The following NFE2L2 variants were observed in gnomAD, a reference collection of about 807,000 sequenced individuals.
The protein encoded by NFE2L2 is nuclear factor erythroid 2-related factor 2.
A neutral mutation model predicts 49.6 loss-of-function variants in NFE2L2; 20 were observed. The observed-to-expected ratio is 0.40, with a 90% confidence interval of 0.28 to 0.59. The LOEUF (loss-of-function observed/expected upper bound fraction) is 0.59. Ranked by LOEUF, NFE2L2 falls within the 20% of genes least tolerant of loss-of-function variation. The pLI, the probability that NFE2L2 is intolerant of heterozygous loss-of-function variation, is 0.40. For synonymous variants in NFE2L2, 244 were observed against 256.5 expected (o/e 0.95, Z 0.47); for missense variants, 578 against 714.2 (o/e 0.81, Z 2.17).
Position 177,230,864 on chromosome 2 carries a change from T to G in NFE2L2, c.1739A>C (p.Glu580Ala). 1 of 1,613,100 alleles carries G rather than the reference T, an allele frequency of 6.2e-7. No individual in the cohort carries two copies. The highest frequency in any genetic ancestry group is 2.2e-5 in the East Asian group (1 of 44,864). Reference protein sequence around the residue: ...DEDGKPYSPSEYSLQQTRDGN... With the variant: ...DEDGKPYSPSAYSLQQTRDGN... ...ATCTCTTGTTTGCTGCAGGGAGTAT[T>G]CACTAGGAGAATAAGGTTTTCCATC... Residue 580 changes from glutamate (E) to alanine (A), a missense_variant, in exon 5 of 5, where the codon GAA becomes GCA. Transcript: ENST00000397062.
chr2:177,251,070 G>C (rs1690321141), intron 1 of NFE2L2, among the ~76,000 whole-genome samples: 1 of 152,152 alleles, frequency 6.6e-6, no homozygotes, highest in Admixed American at 6.5e-5. Flanking sequence ...GTAAATAAAA[G>C]AATAGAAGAT....
Position 177,231,131 on chromosome 2 carries a change from T to C in NFE2L2, c.1472A>G (p.Asn491Ser), listed in dbSNP as rs373844938. The C allele has an allele frequency of 1.5e-5, 24 of 1,614,098 alleles. No homozygotes were observed. In the African/African-American group the frequency reaches 1.6e-4, roughly 11 times the overall value. ...FNEMMSKEQF[N>S]EAQLALIRDI... ...CCGAATTAATGCAAGTTGAGCTTCA[T>C]TGAACTGCTCTTTGGACATCATTTC... is the stretch of plus-strand genomic sequence containing the variant. The change falls in exon 5 of 5, where the codon AAT (asparagine) becomes AGT (serine). Residue 491 changes from asparagine (N) to serine (S), a missense_variant. This residue lies in a region of NFE2L2 where 117 missense variants were observed against 175.8 expected (regional missense o/e 0.67). Coordinates refer to ENST00000397062, the MANE Select transcript of NFE2L2 (RefSeq NM_006164.5).
At position 177,248,320 on chromosome 2, in the gene NFE2L2, A is replaced by G. The variant is rs190302019; in HGVS notation, c.46-14049T>C. Among the ~76,000 whole-genome samples the G allele has an allele frequency of 4.2e-3, 636 of 152,368 alleles. 12 individuals carry two copies. The highest frequency in any genetic ancestry group is 1.7e-3 in the Non-Finnish European group (114 of 68,044). ...GGAATTACTTTGGAAACTGACCCTT[A>G]GAGAACTGTTGTGTGCTATTCAAGT... On this transcript the variant is annotated intron_variant, in intron 1 of 4. Transcript: ENST00000397062.
intron 1 of NFE2L2, among the ~76,000 whole-genome samples, chr2:177,258,740 C>G (rs1690620947): frequency 6.6e-6 from 1 of 152,048 alleles, no homozygotes; most frequent in Non-Finnish European, 1.5e-5. Context: ...CTAAGTAATA[C>G]AGAAGGTAAA....
intron 1 of NFE2L2, among the ~76,000 whole-genome samples, chr2:177,257,626 G>A (rs913587980): frequency 3.3e-5 from 5 of 152,216 alleles, no homozygotes; most frequent in Non-Finnish European, 4.4e-5. Context: ...AAGCACTGAG[G>A]TGGGTCCCCT....
chr2:177,238,568 T>A (rs1319550864), intron 1 of NFE2L2, among the ~76,000 whole-genome samples: 2 of 152,172 alleles, frequency 1.3e-5, no homozygotes, highest in South Asian at 2.1e-4. Flanking sequence ...AATATGCAAA[T>A]GTTTACATGT....
At chr2:177,248,468 G>A (rs1319156126) in intron 1 of NFE2L2, among the ~76,000 whole-genome samples, 1 of 151,972 alleles carries the variant, frequency 6.6e-6, no homozygotes, top group African/African-American at 2.4e-5. Context: ...GGAGTGCAAT[G>A]GCGTGATCTC....
intron 1 of NFE2L2, among the ~76,000 whole-genome samples, chr2:177,252,832 A>G (rs1220239349): frequency 6.6e-6 from 1 of 152,028 alleles, no homozygotes; most frequent in East Asian, 1.9e-4. Flanking sequence ...AGCCGTCACA[A>G]CAATGCTCAG....
rs1389846761 is a variant in NFE2L2, at chr2:177,230,385, T to TA, written c.*399dup. 3.4e-5 allele frequency: 8 copies of TA among 233,870 alleles called. No individual in the cohort carries two copies. The East Asian group carries it at 4.3e-4, about 13-fold the overall frequency. 14.5% of individuals were successfully genotyped at this position (233,870 alleles called of 1,614,324 possible). Reference sequence around the variant, plus strand: ...TTTGCCAGAGCTAAACAATTTAATATAAAAAATGCCATTTTTTGTCCATAC... The same window carrying TA: ...TTTGCCAGAGCTAAACAATTTAATATAAAAAAATGCCATTTTTTGTCCATAC... On this transcript the variant is annotated 3_prime_UTR_variant, in exon 5 of 5. Coordinates refer to ENST00000397062, the MANE Select transcript of NFE2L2 (RefSeq NM_006164.5).
At chr2:177,251,636 C>T (rs1335713381) in intron 1 of NFE2L2, among the ~76,000 whole-genome samples, 2 of 152,056 alleles carry the variant, frequency 1.3e-5, no homozygotes, top group Non-Finnish European at 2.9e-5. Flanking sequence ...GGACCTCACA[C>T]AAGGACAAGA....
At chr2:177,233,437 TC>T in intron 2 of NFE2L2, 98 bp from the exon 3 acceptor site, 1 of 901,118 alleles carries the variant, frequency 1.1e-6, no homozygotes, top group Non-Finnish European at 1.7e-6. Context: ...ATATTTATAA[TC>T]AAGTTAAGTA....
chr2:177,252,249 C>T (rs145124788), intron 1 of NFE2L2, among the ~76,000 whole-genome samples: 2 of 152,192 alleles, frequency 1.3e-5, no homozygotes, highest in East Asian at 3.9e-4. Flanking sequence ...AAGAATACTC[C>T]TCACCTCACA....
chr2:177,230,667 T>C lies in NFE2L2; in HGVS notation c.*118A>G. ...GTTTCGTATTATTTTCTATACTAGT[T>C]TTGGCTATGATTTTGCATAGAATTA... On this transcript the variant is annotated 3_prime_UTR_variant, in exon 5 of 5. Transcript: ENST00000397062. 1 of 1,170,396 alleles carries C rather than the reference T, an allele frequency of 8.5e-7. No homozygotes were observed. Among genetic ancestry groups the C allele is most frequent in the Non-Finnish European group, 1.2e-6 (1 of 862,280 alleles). 72.5% of individuals were successfully genotyped at this position (1,170,396 alleles called of 1,614,324 possible). A position where few individuals can be genotyped will look rare whatever the true frequency, so the allele number is the denominator to read the frequency against.
At chr2:177,257,850 T>A (rs1309291057) in intron 1 of NFE2L2, among the ~76,000 whole-genome samples, 2 of 152,216 alleles carry the variant, frequency 1.3e-5, no homozygotes, top group African/African-American at 4.8e-5. Flanking sequence ...GACAATCTAA[T>A]GCCTGATGAT....
intron 1 of NFE2L2, among the ~76,000 whole-genome samples, chr2:177,238,388 A>G (rs1296150257): frequency 1.3e-5 from 2 of 152,236 alleles, no homozygotes; most frequent in African/African-American, 4.8e-5. Flanking sequence ...CCAAGAATTG[A>G]AATAACTATT....
rs1005457836 is a variant in NFE2L2, at chr2:177,264,633, G to T, written c.-57C>A. Reference sequence around the variant, plus strand: ...CGACGGCGGCCCTGTTCCGGCTGCCGAGGCGCGGCGCGGACAGGGCGGCTC... The same window carrying T: ...CGACGGCGGCCCTGTTCCGGCTGCCTAGGCGCGGCGCGGACAGGGCGGCTC... On this transcript the variant is annotated 5_prime_UTR_variant, in exon 1 of 5. Coordinates refer to ENST00000397062, the MANE Select transcript of NFE2L2 (RefSeq NM_006164.5). 2 of 1,390,192 alleles carry T rather than the reference G, an allele frequency of 1.4e-6. No homozygotes were observed. The highest frequency in any genetic ancestry group is 2.9e-5 in the Admixed American group (1 of 34,424). 86.1% of individuals were successfully genotyped at this position (1,390,192 alleles called of 1,614,324 possible). A position where few individuals can be genotyped will look rare whatever the true frequency, so the allele number is the denominator to read the frequency against.
Position 177,245,992 on chromosome 2 carries a change from G to A in NFE2L2, c.46-11721C>T, listed in dbSNP as rs371496630. On this transcript the variant is annotated intron_variant, in intron 1 of 4. Coordinates refer to ENST00000397062, the MANE Select transcript of NFE2L2 (RefSeq NM_006164.5). ...CAAATCACATATTCACCAAGTAGCA[G>A]AGGCAGGACTCCAGTCCAGACCTTC... 2.2e-4 allele frequency among the ~76,000 whole-genome samples: 33 copies of A among 152,338 alleles called. No homozygotes were observed. In the East Asian group the frequency reaches 2.3e-3, roughly 11 times the overall value.
chr2:177,264,414 C>G (rs1690862232), intron 1 of NFE2L2, 118 bp downstream of exon 1: 1 of 1,119,376 alleles, frequency 8.9e-7, no homozygotes, highest in Non-Finnish European at 1.2e-6. Flanking sequence ...CGCCGCGGTC[C>G]TGGCTCTGGC....
rs559789704 is a variant in NFE2L2 at position 177,249,267 on chromosome 2, G to A, written c.46-14996C>T. Among the ~76,000 whole-genome samples, 70 of 151,908 alleles carry A rather than the reference G, an allele frequency of 4.6e-4. 1 individual carries two copies. Among genetic ancestry groups the A allele is most frequent in the African/African-American group, 1.5e-3 (62 of 41,396 alleles). ...ATAAATAAGGCATTTTCTTCACTCCGGATCTGGTAGAAGTTCTCTGCAGCT... is the reference window on the plus strand; with the variant it reads ...ATAAATAAGGCATTTTCTTCACTCCAGATCTGGTAGAAGTTCTCTGCAGCT... On this transcript the variant is annotated intron_variant, in intron 1 of 4. Transcript: ENST00000397062.
Sources: allele counts gnomAD v4.1 joint callset (sites outside exome capture counted in the v4.1 genomes callset), GRCh38; gene constraint gnomAD v4.1.1; regional missense constraint gnomAD v4.1.1; transcripts MANE v1.5; gene names NCBI Gene and HGNC (gene_info 2026-07-23, HGNC 2026-07-21).